The following ERC1 variants were observed in gnomAD, a reference collection of about 807,000 sequenced individuals.
ERC1 encodes RAB6 interacting protein 2.
Under a neutral mutation model 132.0 loss-of-function variants are expected in ERC1, and 56 were observed. The observed-to-expected ratio is 0.42, with a 90% CI of 0.34 to 0.53. The LOEUF is 0.53. Ranked by LOEUF, ERC1 falls within the 20% of genes least tolerant of loss-of-function variation. The pLI, the probability that ERC1 is intolerant of heterozygous loss-of-function variation, is 0.03. For synonymous variants in ERC1, 478 were observed against 476.1 expected, an observed-to-expected ratio of 1.00 and a Z score of -0.05; for missense variants, 1,202 against 1,349.9, an observed-to-expected ratio of 0.89 and a Z score of 1.72.
chr12:1,173,213 G>A (rs975145704), intron 8 of ERC1, among the ~76,000 whole-genome samples: 3 of 152,128 alleles, frequency 2.0e-5, no homozygotes, highest in African/African-American at 4.8e-5. Context: ...TTATAGGGTG[G>A]TAATTAAGAG....
intron 2 of ERC1, among the ~76,000 whole-genome samples, chr12:1,058,789 GT>G (rs33992098): frequency 7.7e-6 from 1 of 129,864 alleles, no homozygotes. Context: ...TGGAAAGTAT[GT>G]TTTTTTTTTT....
chr12:1,138,127 T>TTATATATAATATAATTATATATAATACA (rs1949481086), intron 7 of ERC1, among the ~76,000 whole-genome samples: 2 of 120,242 alleles, frequency 1.7e-5, no homozygotes, highest in Admixed American at 1.9e-4. Context: ...TTAATACATA[T>TTATATATAATATAATTATATATAATACA]TATATATAAT....
At chr12:1,424,856 A>AGATC (rs1207190534) in intron 17 of ERC1, among the ~76,000 whole-genome samples, 111 of 113,100 alleles carry the variant, frequency 9.8e-4, no homozygotes, top group African/African-American at 1.2e-3. Context: ...ATAGATAGAT[A>AGATC]GATAGATCGA....
chr12:1,422,011 G>T (rs969773535), intron 17 of ERC1, among the ~76,000 whole-genome samples: 3 of 152,176 alleles, frequency 2.0e-5, no homozygotes, highest in Admixed American at 1.3e-4. Flanking sequence ...GGCAAAATAA[G>T]CTAGGGAACA....
chr12:1,062,136 A>G (rs1439603289), intron 2 of ERC1, among the ~76,000 whole-genome samples: 1 of 150,898 alleles, frequency 6.6e-6, no homozygotes, highest in Non-Finnish European at 1.5e-5. Context: ...GGCACCCACC[A>G]GCACGCCTGG....
chr12:1,293,090 G>A (rs1301830523), intron 15 of ERC1, among the ~76,000 whole-genome samples: 2 of 150,684 alleles, frequency 1.3e-5, no homozygotes, highest in Non-Finnish European at 3.0e-5. Context: ...GTTGCAGTGA[G>A]CTGAGATTGC....
intron 8 of ERC1, 27 bp from the exon 9 acceptor site, chr12:1,180,513 T>A (rs752242902): frequency 4.4e-6 from 7 of 1,608,652 alleles, no homozygotes; most frequent in Non-Finnish European, 6.0e-6. Context: ...GTCCTCTCTT[T>A]TCCCTTAAAT....
intron 16 of ERC1, among the ~76,000 whole-genome samples, chr12:1,394,043 AACCACAAAG>A (rs2090266609): frequency 1.3e-5 from 1 of 76,776 alleles, no homozygotes; most frequent in Admixed American, 1.2e-4. Flanking sequence ...ACAAAAAAAA[AACCACAAAG>A]CATTAAGCAA....
intron 7 of ERC1, among the ~76,000 whole-genome samples, chr12:1,138,492 C>A (rs528780638): frequency 2.7e-4 from 40 of 150,174 alleles, no homozygotes; most frequent in African/African-American, 9.1e-4. Context: ...AATTCTATTA[C>A]AAAATACCCT....
chr12:1,234,053 A>T (rs987771100), intron 12 of ERC1, among the ~76,000 whole-genome samples: 3 of 152,220 alleles, frequency 2.0e-5, no homozygotes, highest in African/African-American at 7.2e-5. Context: ...ATTTTAAATG[A>T]TGGCAAAACG....
At chr12:1,091,383 G>A (rs541489920) in intron 3 of ERC1, among the ~76,000 whole-genome samples, 1 of 152,030 alleles carries the variant, frequency 6.6e-6, no homozygotes, top group Admixed American at 6.5e-5. Flanking sequence ...GAAGAAGCCA[G>A]CTTTGCCAAG....
chr12:1,051,306 G>A (rs959367194), intron 2 of ERC1, among the ~76,000 whole-genome samples: 1 of 152,042 alleles, frequency 6.6e-6, no homozygotes, highest in African/African-American at 2.4e-5. Flanking sequence ...CTGGGTTGAG[G>A]ATTTAGAGGT....
chr12:1,121,416 A>G (rs1452290059), intron 7 of ERC1, among the ~76,000 whole-genome samples: 1 of 152,254 alleles, frequency 6.6e-6, no homozygotes, highest in Non-Finnish European at 1.5e-5. Flanking sequence ...CCACAAAGAA[A>G]GATGGGGAGA....
At chr12:1,223,021 G>C (rs2074291327) in intron 12 of ERC1, among the ~76,000 whole-genome samples, 1 of 152,198 alleles carries the variant, frequency 6.6e-6, no homozygotes, top group African/African-American at 2.4e-5. Flanking sequence ...AGTAGGGTAT[G>C]ATTAGTTTCC....
At chr12:1,424,057 T>A (rs1478418098) in intron 17 of ERC1, among the ~76,000 whole-genome samples, 1 of 151,230 alleles carries the variant, frequency 6.6e-6, no homozygotes, top group African/African-American at 2.4e-5. Flanking sequence ...TGTGTATGTT[T>A]CTTTTTTAAT....
At chr12:1,058,986 A>AT (rs947285066) in intron 2 of ERC1, among the ~76,000 whole-genome samples, 4 of 150,916 alleles carry the variant, frequency 2.7e-5, no homozygotes, top group African/African-American at 7.3e-5. Flanking sequence ...TGTCTTTCCA[A>AT]TTTTTTTTGT....
chr12:1,337,263 G>T (rs2083393753), intron 15 of ERC1, among the ~76,000 whole-genome samples: 1 of 151,730 alleles, frequency 6.6e-6, no homozygotes, highest in South Asian at 2.1e-4. Context: ...AGGATAGTTA[G>T]CTCTTCTTGT....
chr12:1,413,319 C>G (rs543934383), intron 17 of ERC1, among the ~76,000 whole-genome samples: 3 of 152,128 alleles, frequency 2.0e-5, no homozygotes, highest in Admixed American at 2.0e-4. Flanking sequence ...GAGGGCCAGA[C>G]TCGGTGGCTC....
At chr12:1,348,238 G>A (rs577582372) in intron 15 of ERC1, among the ~76,000 whole-genome samples, 2 of 152,262 alleles carry the variant, frequency 1.3e-5, no homozygotes, top group South Asian at 2.1e-4. Flanking sequence ...TGAACCAGAC[G>A]TCTTTAAGAA....
Sources: allele counts gnomAD v4.1 joint callset (sites outside exome capture counted in the v4.1 genomes callset), GRCh38; gene constraint gnomAD v4.1.1; transcripts MANE v1.5; gene names NCBI Gene and HGNC (gene_info 2026-07-23, HGNC 2026-07-21).